Variants in SLC24A2 observed in about 807,000 individuals in gnomAD.
SLC24A2 encodes the protein solute carrier family 24 member 2.
SLC24A2 carries 36 observed loss-of-function variants against 62.0 expected under a neutral mutation model. The observed-to-expected ratio is 0.58, with a 90% CI of 0.44 to 0.77. The LOEUF (loss-of-function observed/expected upper bound fraction) is 0.77. SLC24A2 is among the 30% of genes least tolerant of loss of function. SLC24A2 has a pLI of 0.00. For synonymous variants in SLC24A2, 358 were observed against 294.0 expected (o/e 1.22, Z -2.23); for missense variants, 846 against 817.9 (o/e 1.03, Z -0.42).
At chr9:19,907,721 A>C in the SLC24A2 span, among the ~76,000 whole-genome samples, 1 of 152,140 alleles carries the variant, frequency 6.6e-6, no homozygotes, top group African/African-American at 2.4e-5. Context: ...TCATGAGTGA[A>C]CTCTCATTCA....
chr9:19,960,856 G>A, the SLC24A2 span, among the ~76,000 whole-genome samples: 1 of 152,112 alleles, frequency 6.6e-6, no homozygotes, highest in African/African-American at 2.4e-5. Context: ...GTAAAGCTCT[G>A]AGCACAATGC....
the SLC24A2 span, among the ~76,000 whole-genome samples, chr9:20,085,283 G>T: frequency 1.3e-5 from 2 of 152,196 alleles, no homozygotes; most frequent in Admixed American, 1.3e-4. Context: ...ACAGGCATGA[G>T]CCACTGCAGC....
the SLC24A2 span, among the ~76,000 whole-genome samples, chr9:20,001,370 T>C: frequency 6.6e-6 from 1 of 152,156 alleles, no homozygotes; most frequent in Non-Finnish European, 1.5e-5. Flanking sequence ...GGAACTGTCC[T>C]GCGGAAGAAA....
chr9:20,012,027 G>T, the SLC24A2 span, among the ~76,000 whole-genome samples: 2 of 151,966 alleles, frequency 1.3e-5, no homozygotes, highest in Non-Finnish European at 2.9e-5. Flanking sequence ...GGTATAGAGG[G>T]AATTTACTCA....
At chr9:20,007,899 T>C in the SLC24A2 span, among the ~76,000 whole-genome samples, 1 of 117,878 alleles carries the variant, frequency 8.5e-6, no homozygotes, top group South Asian at 4.2e-4. Context: ...TTTTTTTTTT[T>C]TTTTTTTTTT....
At chr9:19,531,717 C>T (rs1339440372) in intron 8 of SLC24A2, among the ~76,000 whole-genome samples, 3 of 131,314 alleles carry the variant, frequency 2.3e-5, no homozygotes, top group Non-Finnish European at 3.2e-5. Flanking sequence ...CCAAATCCTA[C>T]TAAAGATTTA....
the SLC24A2 span, among the ~76,000 whole-genome samples, chr9:20,116,837 T>C: frequency 3.9e-5 from 6 of 152,142 alleles, no homozygotes; most frequent in African/African-American, 1.4e-4. Flanking sequence ...AAGTTGAAGA[T>C]AATAGGTAAC....
chr9:19,754,042 A>T (rs966429771), intron 2 of SLC24A2, among the ~76,000 whole-genome samples: 23 of 152,342 alleles, frequency 1.5e-4, no homozygotes, highest in South Asian at 4.1e-4. Context: ...CTTAAAAAAA[A>T]TTTTAAAAAC....
At chr9:19,828,306 G>T in the SLC24A2 span, among the ~76,000 whole-genome samples, 1 of 152,048 alleles carries the variant, frequency 6.6e-6, no homozygotes, top group Non-Finnish European at 1.5e-5. Context: ...CTAACACAAA[G>T]AAATGGTACA....
At chr9:19,820,558 TA>T in the SLC24A2 span, among the ~76,000 whole-genome samples, 2 of 151,248 alleles carry the variant, frequency 1.3e-5, no homozygotes, top group African/African-American at 4.8e-5. Flanking sequence ...AATAAATAAA[TA>T]AAAATAAAGA....
the SLC24A2 span, among the ~76,000 whole-genome samples, chr9:20,294,320 G>A: frequency 2.6e-5 from 4 of 151,990 alleles, no homozygotes; most frequent in South Asian, 2.1e-4. Flanking sequence ...TGCTCATCAC[G>A]GTGACAATGG....
At chr9:20,064,596 G>A in the SLC24A2 span, among the ~76,000 whole-genome samples, 3 of 152,150 alleles carry the variant, frequency 2.0e-5, no homozygotes, top group Admixed American at 6.5e-5. Flanking sequence ...ACTTAATTAT[G>A]CTCTTCAAAT....
the SLC24A2 span, among the ~76,000 whole-genome samples, chr9:20,168,542 G>A: frequency 6.6e-6 from 1 of 151,782 alleles, no homozygotes; most frequent in African/African-American, 2.4e-5. Context: ...ATGGGCAAAG[G>A]ACTTGAAAAG....
At chr9:19,663,222 A>G (rs990850449) in intron 2 of SLC24A2, among the ~76,000 whole-genome samples, 4 of 152,166 alleles carry the variant, frequency 2.6e-5, no homozygotes, top group African/African-American at 9.7e-5. Context: ...AGGTCAGGAG[A>G]CTTGCTCAAG....
the SLC24A2 span, among the ~76,000 whole-genome samples, chr9:20,038,392 C>T: frequency 6.6e-6 from 1 of 152,260 alleles, no homozygotes; most frequent in South Asian, 2.1e-4. Flanking sequence ...GGCCCAATAC[C>T]CCAGTAAGGA....
chr9:20,238,394 A>C, the SLC24A2 span, among the ~76,000 whole-genome samples: 101 of 152,244 alleles, frequency 6.6e-4, no homozygotes, highest in African/African-American at 2.3e-3. Context: ...GCAACATTTA[A>C]ATTTCCTTTA....
chr9:19,698,983 T>C (rs1024408069), intron 2 of SLC24A2, among the ~76,000 whole-genome samples: 2 of 152,216 alleles, frequency 1.3e-5, no homozygotes, highest in Admixed American at 6.5e-5. Context: ...ATATGGTCTA[T>C]TGTAATATTT....
the SLC24A2 span, among the ~76,000 whole-genome samples, chr9:19,905,549 G>T: frequency 2.0e-5 from 3 of 151,874 alleles, no homozygotes; most frequent in African/African-American, 7.2e-5. Context: ...GCTGGGGTTA[G>T]ATTACAGGCA....
intron 4 of SLC24A2, among the ~76,000 whole-genome samples, chr9:19,603,389 C>CT (rs545556802): frequency 7.6e-4 from 115 of 152,120 alleles, no homozygotes; most frequent in African/African-American, 2.6e-3. Flanking sequence ...TCTTCCTCTG[C>CT]TTTTTTTAAA....
Sources: gnomAD v4.1 joint callset for allele counts (sites outside exome capture counted in the v4.1 genomes callset) on GRCh38, gnomAD v4.1.1 for gene constraint, MANE v1.5 for transcripts, NCBI Gene and HGNC (gene_info 2026-07-23, HGNC 2026-07-21) for gene names.